The following HIVEP3 variants were observed in gnomAD, a reference collection of about 807,000 sequenced individuals.
HIVEP3 encodes transcription factor HIVEP3.
In HIVEP3, 49 loss-of-function variants were observed where a neutral mutation model predicts 152.8. The ratio of observed to expected loss-of-function variants is 0.32; its 90% CI spans 0.26 to 0.41. HIVEP3 has a LOEUF of 0.41. HIVEP3 is among the 10% of genes least tolerant of loss of function. The pLI is 1.00. For synonymous variants in HIVEP3, 1,269 were observed against 1,289.0 expected, an observed-to-expected ratio of 0.98 and a Z score of 0.33; for missense variants, 2,790 against 3,103.3, an observed-to-expected ratio of 0.90 and a Z score of 2.40.
intron 1 of HIVEP3, among the ~76,000 whole-genome samples, chr1:41,939,709 T>G (rs1449859222): frequency 2.0e-5 from 3 of 152,156 alleles, no homozygotes; most frequent in Non-Finnish European, 2.9e-5. Context: ...CTAGCAGCCC[T>G]TTATTTATTA....
chr1:41,917,510 G>GT (rs1644889352), intron 1 of HIVEP3, among the ~76,000 whole-genome samples: 1 of 152,088 alleles, frequency 6.6e-6, no homozygotes, highest in South Asian at 2.1e-4. Flanking sequence ...TTCAAGGAAG[G>GT]GCCTAGCCAC....
intron 1 of HIVEP3, among the ~76,000 whole-genome samples, chr1:41,745,494 T>C (rs1647057772): frequency 1.3e-5 from 2 of 152,222 alleles, no homozygotes; most frequent in African/African-American, 4.8e-5. Context: ...ATGGGCCAGG[T>C]CTACACTGAA....
rs896386180 is a variant in HIVEP3 at position 41,662,896 on chromosome 1, G to C, written c.-720-33949C>G. ...CTCCCCGCCTTCCCCCTGGGTGCCA[G>C]CCGGGCTCCGGGAAGCCCGCGCCTC... On this transcript the variant is annotated intron_variant, in intron 2 of 8. Transcript: ENST00000372583. This position sits in a 1 kb window ranked among gnomAD's most constrained non-coding sequence, Gnocchi z 7.2. Among the ~76,000 whole-genome samples, 1 of 152,148 alleles carries C rather than the reference G, an allele frequency of 6.6e-6. No homozygotes were observed. Among genetic ancestry groups the C allele is most frequent in the East Asian group, 1.9e-4 (1 of 5,172 alleles).
rs185599209 is a variant in HIVEP3, at chr1:41,774,830, T to C, written c.-800-73835A>G. Among the ~76,000 whole-genome samples the C allele has an allele frequency of 8.7e-3, 1,269 of 146,500 alleles. 9 individuals carry two copies. Among genetic ancestry groups the C allele is most frequent in the Middle Eastern group, 0.021 (6 of 292 alleles). On this transcript the variant is annotated intron_variant, in intron 1 of 8. Coordinates refer to ENST00000372583, the MANE Select transcript of HIVEP3 (RefSeq NM_024503.5). ...TTTATTTTTTGAGACTGGGCCTCAC[T>C]CTGTCACTAGGCTGGAGTGCAGTGG...
intron 1 of HIVEP3, among the ~76,000 whole-genome samples, chr1:42,014,600 C>A (rs1007670982): frequency 1.3e-5 from 2 of 152,160 alleles, no homozygotes; most frequent in Non-Finnish European, 2.9e-5. Context: ...TCCAGTGATG[C>A]CGATCTGTCC....
At chr1:41,949,970 C>T (rs1557535751) in intron 1 of HIVEP3, among the ~76,000 whole-genome samples, 1 of 152,112 alleles carries the variant, frequency 6.6e-6, no homozygotes, top group Admixed American at 6.5e-5. Flanking sequence ...ACAGGGTTTT[C>T]CTGTTGAGAG....
chr1:41,539,688 A>G (rs547752783), intron 5 of HIVEP3, among the ~76,000 whole-genome samples: 3 of 152,316 alleles, frequency 2.0e-5, no homozygotes, highest in South Asian at 4.1e-4. Context: ...ACCTGACCTC[A>G]CAGTGACCAG....
intron 2 of HIVEP3, among the ~76,000 whole-genome samples, chr1:41,665,060 C>T (rs573880006): frequency 6.6e-6 from 1 of 152,332 alleles, no homozygotes; most frequent in African/African-American, 2.4e-5. Flanking sequence ...GAGCCCTCAC[C>T]TAGCTCCTCC....
At chr1:41,529,627 C>A (rs1302455396) in intron 5 of HIVEP3, among the ~76,000 whole-genome samples, 1 of 144,088 alleles carries the variant, frequency 6.9e-6, no homozygotes, top group Admixed American at 6.8e-5. Context: ...ACCCCACACC[C>A]CCCACACCCT....
At chr1:41,929,693 A>G (rs577729185) in intron 1 of HIVEP3, among the ~76,000 whole-genome samples, 1 of 123,448 alleles carries the variant, frequency 8.1e-6, no homozygotes, top group Non-Finnish European at 1.7e-5. Context: ...CGTATCTATC[A>G]GTGTATATGT....
At chr1:41,726,731 G>T (rs1646757637) in intron 1 of HIVEP3, among the ~76,000 whole-genome samples, 1 of 152,204 alleles carries the variant, frequency 6.6e-6, no homozygotes, top group African/African-American at 2.4e-5. Flanking sequence ...TTTTGGGGAA[G>T]GTCAAAGATA....
At chr1:41,644,693 C>CTTTTTTTTTTTTTTTTT (rs60511656) in intron 2 of HIVEP3, among the ~76,000 whole-genome samples, 5 of 74,738 alleles carry the variant, frequency 6.7e-5, no homozygotes, top group African/African-American at 1.5e-4. Flanking sequence ...CATATCTGTT[C>CTTTTTTTTTTTTTTTTT]TTTTTTTTTT....
chr1:41,953,792 G>A (rs192742646), intron 1 of HIVEP3, among the ~76,000 whole-genome samples: 1 of 152,346 alleles, frequency 6.6e-6, no homozygotes, highest in African/African-American at 2.4e-5. Flanking sequence ...GGGAGAAGGA[G>A]AAGAAGAGGA....
chr1:41,821,835 C>T (rs1037870401), intron 1 of HIVEP3, among the ~76,000 whole-genome samples: 1 of 152,182 alleles, frequency 6.6e-6, no homozygotes, highest in African/African-American at 2.4e-5. Context: ...TCCTAGTCTT[C>T]AGGGTCTCAC....
At chr1:42,003,956 C>T (rs1019851536) in intron 1 of HIVEP3, among the ~76,000 whole-genome samples, 1 of 152,026 alleles carries the variant, frequency 6.6e-6, no homozygotes, top group African/African-American at 2.4e-5. Context: ...AGGAACAAAT[C>T]AATGCAAATG....
intron 1 of HIVEP3, among the ~76,000 whole-genome samples, chr1:41,965,667 A>T (rs936248963): frequency 6.6e-6 from 1 of 152,230 alleles, no homozygotes; most frequent in Non-Finnish European, 1.5e-5. Context: ...AGACAGGCAG[A>T]CAAGATTAGA....
At chr1:41,775,756 C>T (rs1019345452) in intron 1 of HIVEP3, among the ~76,000 whole-genome samples, 12 of 152,156 alleles carry the variant, frequency 7.9e-5, no homozygotes, top group African/African-American at 2.9e-4. Context: ...GCAGGGATTA[C>T]AGGCATGAGC....
chr1:41,728,151 C>A (rs1303606706), intron 1 of HIVEP3, among the ~76,000 whole-genome samples: 1 of 152,182 alleles, frequency 6.6e-6, no homozygotes, highest in African/African-American at 2.4e-5. Context: ...ACTCTGCATG[C>A]AACTCCAGTT....
At chr1:41,866,374 G>C (rs1287407259) in intron 1 of HIVEP3, among the ~76,000 whole-genome samples, 1 of 152,246 alleles carries the variant, frequency 6.6e-6, no homozygotes. Context: ...TAGCCAGAGA[G>C]GGAAGGCAAA....
Sources: gnomAD v4.1 joint callset for allele counts (sites outside exome capture counted in the v4.1 genomes callset) on GRCh38, gnomAD v4.1.1 for gene constraint, Gnocchi (gnomAD v3.1) non-coding constraint, MANE v1.5 for transcripts, NCBI Gene and HGNC (gene_info 2026-07-23, HGNC 2026-07-21) for gene names.